The following GLRA1 variants were observed in gnomAD, a reference collection of about 807,000 sequenced individuals.
GLRA1 encodes the protein glycine receptor subunit alpha-1.
Under a neutral mutation model 48.3 loss-of-function variants are expected in GLRA1, and 37 were observed. The observed-to-expected ratio is 0.77, with a 90% CI of 0.59 to 1.01. The LOEUF is 1.01. Ranked by LOEUF, GLRA1 falls within the 50% of genes least tolerant of loss-of-function variation. The pLI, the probability that GLRA1 is intolerant of heterozygous loss-of-function variation, is 0.00. For missense variants in GLRA1, 427 were observed against 571.0 expected, an observed-to-expected ratio of 0.75 and a Z score of 2.57; for synonymous variants, 196 against 210.7, an observed-to-expected ratio of 0.93 and a Z score of 0.60.
chr5:151,912,314 A>G (rs1754638001), intron 1 of GLRA1, among the ~76,000 whole-genome samples: 1 of 135,146 alleles, frequency 7.4e-6, no homozygotes, highest in Non-Finnish European at 1.5e-5. Context: ...TGAGGAAACT[A>G]CCTTTAACTG....
At chr5:151,851,629 C>T in intron 6 of GLRA1, 25 bp from the exon 7 acceptor site, 1 of 1,514,332 alleles carries the variant, frequency 6.6e-7, no homozygotes, top group African/African-American at 1.4e-5. Flanking sequence ...AGTGAGAAGG[C>T]AGTGTAGCCT....
intron 3 of GLRA1, among the ~76,000 whole-genome samples, chr5:151,869,413 TCATATTG>T (rs1753418803): frequency 6.6e-6 from 1 of 151,158 alleles, no homozygotes; most frequent in South Asian, 2.1e-4. Context: ...TTTCTATGTA[TCATATTG>T]CTAAACTTTT....
chr5:151,834,293 A>G (rs771982827), intron 7 of GLRA1, among the ~76,000 whole-genome samples: 5 of 152,222 alleles, frequency 3.3e-5, no homozygotes, highest in Non-Finnish European at 5.9e-5. Flanking sequence ...CCACAGCACA[A>G]TCAAATTGAA....
chr5:151,882,721 A>G (rs959044989), intron 3 of GLRA1, among the ~76,000 whole-genome samples: 1 of 150,492 alleles, frequency 6.6e-6, no homozygotes, highest in Non-Finnish European at 1.5e-5. Flanking sequence ...CAATTTCTTA[A>G]GTTTTTTTTT....
At chr5:151,856,173 A>C in intron 5 of GLRA1, 128 bp downstream of exon 5, 1 of 676,310 alleles carries the variant, frequency 1.5e-6, no homozygotes, top group South Asian at 1.5e-5. Context: ...TCCTTCATTG[A>C]ATATTTTGGG....
intron 3 of GLRA1, among the ~76,000 whole-genome samples, chr5:151,861,770 G>T (rs1341084310): frequency 1.3e-5 from 2 of 152,130 alleles, no homozygotes; most frequent in Non-Finnish European, 2.9e-5. Flanking sequence ...ACTGCTCAAC[G>T]AAATAAAAGA....
At chr5:151,823,014 C>T (rs1331437204) in intron 8 of GLRA1, 51 bp from the exon 9 acceptor site, 8 of 1,511,860 alleles carry the variant, frequency 5.3e-6, no homozygotes, top group Admixed American at 4.0e-5. Context: ...AGGGGCTAGG[C>T]ACCCTCCCTG....
In GLRA1 at chr5:151,844,710, A is replaced by G. The variant is rs115061669; in HGVS notation, c.912+6680T>C. The stretch of plus-strand genomic sequence containing the variant: ...AAAAACAGATAAATTAGACTTTATC[A>G]AAATTAAAAACTTTTGAGCATAAAT... On this transcript the variant is annotated intron_variant, in intron 7 of 8. Coordinates refer to ENST00000274576, the MANE Select transcript of GLRA1 (RefSeq NM_000171.4). 6.5e-3 allele frequency among the ~76,000 whole-genome samples: 988 copies of G among 151,948 alleles called. 10 individuals are homozygous for G. Among genetic ancestry groups the G allele is most frequent in the African/African-American group, 0.022 (921 of 41,532 alleles).
chr5:151,862,918 G>A (rs543190939), intron 3 of GLRA1, among the ~76,000 whole-genome samples: 2 of 152,298 alleles, frequency 1.3e-5, no homozygotes, highest in Admixed American at 6.5e-5. Context: ...CTCTGAAAAT[G>A]TAGGGCCAGA....
rs924539529 is a variant in GLRA1, at chr5:151,870,590, G to A, written c.253-10582C>T. On this transcript the variant is annotated intron_variant, in intron 3 of 8. Transcript: ENST00000274576. Reference sequence around the variant, plus strand: ...TGTATTACATCTTGTTTTGGGGACTGTTTTGTAAACATATGTGGGACATTC... The same window carrying A: ...TGTATTACATCTTGTTTTGGGGACTATTTTGTAAACATATGTGGGACATTC... 8.7e-5 allele frequency among the ~76,000 whole-genome samples: 13 copies of A among 149,884 alleles called. 1 individual carries two copies. Among genetic ancestry groups the A allele is most frequent in the African/African-American group, 3.1e-4 (12 of 39,222 alleles).
chr5:151,911,164 G>A (rs7709656), intron 1 of GLRA1, among the ~76,000 whole-genome samples: 28,542 of 152,024 alleles, frequency 0.19, 2,965 homozygotes, highest in African/African-American at 0.28. Flanking sequence ...TGTTCTGCAA[G>A]CCTTTTTCCT....
chr5:151,920,111 A>G (rs1017784329), intron 1 of GLRA1, among the ~76,000 whole-genome samples: 1 of 152,262 alleles, frequency 6.6e-6, no homozygotes, highest in Non-Finnish European at 1.5e-5. Context: ...GACTGGACAC[A>G]TAAGCACATG....
At chr5:151,915,855 T>G (rs1754725930) in intron 1 of GLRA1, among the ~76,000 whole-genome samples, 1 of 152,104 alleles carries the variant, frequency 6.6e-6, no homozygotes, top group Non-Finnish European at 1.5e-5. Flanking sequence ...ATGCAGACAT[T>G]GTGCAGTTAA....
chr5:151,843,467 TAGTC>T (rs1385882383), intron 7 of GLRA1, among the ~76,000 whole-genome samples: 2 of 151,976 alleles, frequency 1.3e-5, no homozygotes, highest in African/African-American at 4.8e-5. Flanking sequence ...TTCACCATGT[TAGTC>T]AGGATGGTCT....
At chr5:151,840,180 A>G (rs1311587485) in intron 7 of GLRA1, among the ~76,000 whole-genome samples, 2 of 151,958 alleles carry the variant, frequency 1.3e-5, no homozygotes, top group African/African-American at 2.4e-5. Context: ...TGCAGCCTCA[A>G]TCTCCAAGGT....
chr5:151,838,104 A>C (rs1763621533), intron 7 of GLRA1, among the ~76,000 whole-genome samples: 1 of 152,212 alleles, frequency 6.6e-6, no homozygotes, highest in South Asian at 2.1e-4. Flanking sequence ...CAGTTATTTT[A>C]AGTATGTTCA....
rs1453290044 is a variant in GLRA1, at chr5:151,829,084, G to A, written c.913-17C>T. The A allele has an allele frequency of 6.2e-7, 1 of 1,612,614 alleles. No homozygotes were observed. The highest frequency in any genetic ancestry group is 8.5e-7 in the Non-Finnish European group (1 of 1,179,362). On this transcript the variant is annotated splice_polypyrimidine_tract_variant and intron_variant, in intron 7 of 8. Coordinates refer to ENST00000274576, the MANE Select transcript of GLRA1 (RefSeq NM_000171.4). Reference sequence around the variant, plus strand: ...ATAGGACACCTAGAGTGGGGGTGGAGGAGAAACAGGGAGGTGAAAGCAGGG... The same window carrying A: ...ATAGGACACCTAGAGTGGGGGTGGAAGAGAAACAGGGAGGTGAAAGCAGGG...
At chr5:151,857,051 T>C (rs1753065213) in intron 4 of GLRA1, among the ~76,000 whole-genome samples, 1 of 152,232 alleles carries the variant, frequency 6.6e-6, no homozygotes, top group East Asian at 1.9e-4. Flanking sequence ...GCAGGCTCTG[T>C]CCTCCAGGCT....
At chr5:151,886,572 G>A in intron 3 of GLRA1, 149 bp downstream of exon 3, 1 of 694,424 alleles carries the variant, frequency 1.4e-6, no homozygotes, top group South Asian at 1.5e-5. Context: ...TGACAGTAAA[G>A]ACATCCGAGC....
Sources: allele counts gnomAD v4.1 joint callset (sites outside exome capture counted in the v4.1 genomes callset), GRCh38; gene constraint gnomAD v4.1.1; transcripts MANE v1.5; gene names NCBI Gene and HGNC (gene_info 2026-07-23, HGNC 2026-07-21).